Variants in PAX5 observed in about 807,000 individuals in gnomAD.
The protein encoded by PAX5 is paired box protein Pax-5.
Under a neutral mutation model 43.7 loss-of-function variants are expected in PAX5, and 9 were observed. That is an observed-to-expected ratio of 0.21 (90% CI 0.12 to 0.36). The LOEUF is 0.36. Among genes scored for constraint, PAX5 ranks in the 10% least tolerant of loss-of-function variants. The pLI is 1.00. For missense variants in PAX5, 383 were observed against 532.7 expected (o/e 0.72, Z 2.77); for synonymous variants, 228 against 214.3 (o/e 1.06, Z -0.56).
chr9:36,893,258 C>CA (rs1827555574), intron 7 of PAX5, among the ~76,000 whole-genome samples: 1 of 152,254 alleles, frequency 6.6e-6, no homozygotes, highest in Non-Finnish European at 1.5e-5. Context: ...AGGCCAGTGT[C>CA]ATGGCAGGAA....
In PAX5 at chr9:36,983,664, G is replaced by A. The variant is rs377004068; in HGVS notation, c.605-16940C>T. Among the ~76,000 whole-genome samples, 31 of 152,172 alleles carry A rather than the reference G, an allele frequency of 2.0e-4. No individual in the cohort carries two copies. In the South Asian group the frequency reaches 6.4e-3, roughly 32 times the overall value. The stretch of plus-strand genomic sequence containing the variant: ...AATTTTTGTATTTTTTGTAGAGATG[G>A]GGTTTCACCATGTTGCCCAGGCTGG... On this transcript the variant is annotated intron_variant, in intron 5 of 9. Coordinates refer to ENST00000358127, the MANE Select transcript of PAX5 (RefSeq NM_016734.3).
In PAX5 at chr9:36,840,709, C is replaced by A. The variant is rs76069305; in HGVS notation, c.1100-73G>T. On this transcript the variant is annotated intron_variant, in intron 9 of 9. Coordinates refer to ENST00000358127, the MANE Select transcript of PAX5 (RefSeq NM_016734.3). ...TCCACCAGTCTCCTCCACTTCTGTC[C>A]TTTCCTCCCCTCACTCAGTCCGGGC... 2.2e-3 allele frequency: 1,984 copies of A among 903,242 alleles called. 30 individuals are homozygous for A. The African/African-American group carries it at 0.028, about 13-fold the overall frequency. 56.0% of individuals were successfully genotyped at this position (903,242 alleles called of 1,614,324 possible).
chr9:37,020,942 T>G, intron 1 of PAX5, 141 bp from the exon 2 acceptor site: 1 of 770,336 alleles, frequency 1.3e-6, no homozygotes, highest in Non-Finnish European at 2.1e-6. Context: ...AGTCCAATCG[T>G]GCAAACTACA....
At chr9:36,898,508 C>T (rs1828070840) in intron 7 of PAX5, among the ~76,000 whole-genome samples, 1 of 152,184 alleles carries the variant, frequency 6.6e-6, no homozygotes, top group African/African-American at 2.4e-5. Context: ...TCCTTCTGCC[C>T]CAGCCATCCC....
Position 37,002,593 on chromosome 9 carries a change from C to G in PAX5, c.604+55G>C, listed in dbSNP as rs1837988785. ...TCTGCTGCCACCCGCGACCGAGCGC[C>G]GGAAACAGACCCCGTGGAGCGCATC... On this transcript the variant is annotated intron_variant, in intron 5 of 9. Coordinates refer to ENST00000358127, the MANE Select transcript of PAX5 (RefSeq NM_016734.3). The G allele has an allele frequency of 4.5e-6, 7 of 1,570,992 alleles. No individual in the cohort carries two copies. In the African/African-American group the frequency reaches 8.2e-5, roughly 18 times the overall value.
At chr9:36,957,584 C>T (rs901636145) in intron 6 of PAX5, among the ~76,000 whole-genome samples, 2 of 152,250 alleles carry the variant, frequency 1.3e-5, no homozygotes, top group African/African-American at 4.8e-5. Context: ...ATATCAAACT[C>T]TGTCAGCCTT....
At chr9:36,859,684 C>G (rs75245852) in intron 8 of PAX5, among the ~76,000 whole-genome samples, 1 of 152,088 alleles carries the variant, frequency 6.6e-6, no homozygotes, top group Non-Finnish European at 1.5e-5. Flanking sequence ...GAGGTGGAGG[C>G]GGGCAGGAAT....
At chr9:36,868,519 C>A (rs1825122072) in intron 8 of PAX5, among the ~76,000 whole-genome samples, 1 of 152,076 alleles carries the variant, frequency 6.6e-6, no homozygotes, top group Non-Finnish European at 1.5e-5. Flanking sequence ...GGTCTAGGAA[C>A]ATGTGTCAAA....
At chr9:36,897,310 C>CG (rs1465254612) in intron 7 of PAX5, among the ~76,000 whole-genome samples, 1 of 152,080 alleles carries the variant, frequency 6.6e-6, no homozygotes, top group Non-Finnish European at 1.5e-5. Flanking sequence ...CAGGGAGCAC[C>CG]GGAGCTCGAA....
chr9:36,967,662 C>A (rs1457678594), intron 5 of PAX5, among the ~76,000 whole-genome samples: 1 of 152,196 alleles, frequency 6.6e-6, no homozygotes, highest in East Asian at 1.9e-4. Flanking sequence ...CAATATAAAT[C>A]TCTCCAAAGG....
At chr9:36,848,557 A>T (rs1822826521) in intron 8 of PAX5, among the ~76,000 whole-genome samples, 1 of 152,144 alleles carries the variant, frequency 6.6e-6, no homozygotes, top group South Asian at 2.1e-4. Context: ...CATCAGCACC[A>T]CGGAGCCTCC....
intron 8 of PAX5, among the ~76,000 whole-genome samples, chr9:36,871,768 T>C (rs1825514389): frequency 6.6e-6 from 1 of 152,096 alleles, no homozygotes; most frequent in Non-Finnish European, 1.5e-5. Flanking sequence ...ATCTAACAAG[T>C]AGATTCAGCC....
intron 7 of PAX5, among the ~76,000 whole-genome samples, chr9:36,911,921 G>T (rs1488628336): frequency 2.6e-5 from 4 of 152,210 alleles, no homozygotes; most frequent in African/African-American, 7.2e-5. Flanking sequence ...GGAGTCCGTG[G>T]GTTCACAGGC....
chr9:37,026,367 G>A (rs1489004051), intron 1 of PAX5, among the ~76,000 whole-genome samples: 1 of 152,254 alleles, frequency 6.6e-6, no homozygotes, highest in Non-Finnish European at 1.5e-5. Flanking sequence ...GGGCGGCCAA[G>A]TGCGTTGTTT....
chr9:36,939,015 C>G (rs1239729734), intron 6 of PAX5, among the ~76,000 whole-genome samples: 3 of 152,200 alleles, frequency 2.0e-5, no homozygotes, highest in Non-Finnish European at 4.4e-5. Flanking sequence ...TTATTTATAT[C>G]CCATTTTAAA....
At chr9:36,947,772 C>T (rs1033389494) in intron 6 of PAX5, among the ~76,000 whole-genome samples, 2 of 151,856 alleles carry the variant, frequency 1.3e-5, no homozygotes, top group African/African-American at 4.8e-5. Flanking sequence ...CCCAGCACAC[C>T]TCACACTTTG....
chr9:37,028,963 C>G (rs1433841044), intron 1 of PAX5, among the ~76,000 whole-genome samples: 1 of 152,184 alleles, frequency 6.6e-6, no homozygotes, highest in East Asian at 1.9e-4. Flanking sequence ...GAAAAGGAAG[C>G]GTGTGACAGT....
chr9:36,976,566 A>C (rs1329575), intron 5 of PAX5, among the ~76,000 whole-genome samples: 115,985 of 152,012 alleles, frequency 0.76, 44,493 homozygotes, highest in South Asian at 0.88. Context: ...GAACAAAAAC[A>C]AATGTTCTGA....
intron 4 of PAX5, 30 bp from the exon 5 acceptor site, chr9:37,002,806 C>CGCAGAGG (rs1838019969): frequency 1.3e-6 from 2 of 1,594,002 alleles, no homozygotes; most frequent in African/African-American, 2.7e-5. Flanking sequence ...CGGTCAGGGC[C>CGCAGAGG]GCAGAGGGCT....
Sources: allele counts gnomAD v4.1 joint callset (sites outside exome capture counted in the v4.1 genomes callset), GRCh38; gene constraint gnomAD v4.1.1; transcripts MANE v1.5; gene names NCBI Gene and HGNC (gene_info 2026-07-23, HGNC 2026-07-21).